CFAP44: variants seen among roughly 807,000 people sequenced by gnomAD.
The protein encoded by CFAP44 is cilia and flagella associated protein 44.
In CFAP44, 134 loss-of-function variants were observed where a neutral mutation model predicts 216.2. The observed-to-expected ratio is 0.62, with a 90% CI of 0.54 to 0.72. The LOEUF is 0.72. Among genes scored for constraint, CFAP44 ranks in the 30% least tolerant of loss-of-function variants. The probability of loss-of-function intolerance (pLI) is 0.00; values close to 1 mark genes in which losing one functional copy is unlikely to be tolerated. For synonymous variants in CFAP44, 700 were observed against 727.6 expected, an observed-to-expected ratio of 0.96 and a Z score of 0.61; for missense variants, 2,035 against 2,182.1, an observed-to-expected ratio of 0.93 and a Z score of 1.34.
chr3:113,325,903 A>G (rs994918664), intron 28 of CFAP44, among the ~76,000 whole-genome samples: 2 of 152,210 alleles, frequency 1.3e-5, no homozygotes, highest in African/African-American at 4.8e-5. Context: ...CATCCACACA[A>G]AGATGCCCAA....
intron 22 of CFAP44, among the ~76,000 whole-genome samples, chr3:113,345,532 T>C (rs992749433): frequency 2.0e-5 from 3 of 152,316 alleles, no homozygotes; most frequent in Non-Finnish European, 4.4e-5. Flanking sequence ...CAATTTTCCA[T>C]GTTTAATGAC....
chr3:113,342,113 A>C (rs1426932471), intron 23 of CFAP44, among the ~76,000 whole-genome samples, 195 bp from the exon 24 acceptor site: 1 of 152,224 alleles, frequency 6.6e-6, no homozygotes, highest in African/African-American at 2.4e-5. Flanking sequence ...CGGGTGGATC[A>C]CTTGAGGTCA....
chr3:113,407,225 T>A (rs1934312126), intron 7 of CFAP44, among the ~76,000 whole-genome samples, 184 bp from the exon 8 acceptor site: 1 of 152,250 alleles, frequency 6.6e-6, no homozygotes, highest in Non-Finnish European at 1.5e-5. Context: ...ATGTGAATTC[T>A]GCAATGATCA....
intron 8 of CFAP44, 114 bp from the exon 9 acceptor site, chr3:113,404,130 T>C: frequency 8.1e-7 from 1 of 1,241,230 alleles, no homozygotes. Flanking sequence ...GATTATAAAA[T>C]TTTTAAATGG....
chr3:113,309,636 C>G (rs1229593842), intron 28 of CFAP44, among the ~76,000 whole-genome samples: 2 of 152,028 alleles, frequency 1.3e-5, no homozygotes, highest in African/African-American at 4.8e-5. Flanking sequence ...TTCAAAACAC[C>G]CTGAGGTCAT....
intron 22 of CFAP44, among the ~76,000 whole-genome samples, chr3:113,349,633 C>A (rs185716015): frequency 6.6e-6 from 1 of 152,338 alleles, no homozygotes; most frequent in Non-Finnish European, 1.5e-5. Flanking sequence ...GGAAGGTGCA[C>A]TGCCGCAGAG....
In CFAP44 at chr3:113,303,956, C is replaced by G. The variant is rs765350972; in HGVS notation, c.5037G>C (p.Gln1679His). 6.5e-7 allele frequency: 1 copy of G among 1,537,728 alleles called. No individual in the cohort carries two copies. Among genetic ancestry groups the G allele is most frequent in the South Asian group, 1.2e-5 (1 of 84,046 alleles). The change falls in exon 32 of 35, where the codon CAG becomes CAC. Residue 1679 changes from glutamine (Q) to histidine (H), a missense_variant. By Grantham distance (24) the Gln-to-His change is conservative. This residue lies in a region of CFAP44 where 1,883 missense variants were observed against 2,023.7 expected (regional missense o/e 0.93). Coordinates refer to ENST00000393845, the MANE Select transcript of CFAP44 (RefSeq NM_001164496.2). ...LNKEWRERRK[Q>H]LIREKREMTK... is the part of the protein sequence containing the mutation. The stretch of plus-strand genomic sequence containing the variant: ...TCATTTCTCTCTTTTCTCGGATGAG[C>G]TGTTTACGTCTCTCTCTCCATTCTT...
chr3:113,328,724 A>AAAAAC (rs1559913016), intron 26 of CFAP44, among the ~76,000 whole-genome samples: 1 of 139,826 alleles, frequency 7.2e-6, no homozygotes, highest in Non-Finnish European at 1.5e-5. Context: ...AAAAAAAAAA[A>AAAAAC]AAAACAGAGA....
intron 15 of CFAP44, among the ~76,000 whole-genome samples, chr3:113,395,418 C>T (rs1003318553): frequency 2.6e-5 from 4 of 152,102 alleles, no homozygotes; most frequent in African/African-American, 9.7e-5. Flanking sequence ...ACTGACTGAT[C>T]CAGGTGAAAG....
At chr3:113,326,318 C>T in intron 28 of CFAP44, 127 bp downstream of exon 28, 1 of 808,142 alleles carries the variant, frequency 1.2e-6, no homozygotes, top group Non-Finnish European at 1.8e-6. Context: ...CTCTTTAGCC[C>T]CCACAGTGTC....
chr3:113,425,993 G>A (rs1934949293), intron 4 of CFAP44, 131 bp downstream of exon 4: 2 of 1,019,504 alleles, frequency 2.0e-6, no homozygotes, highest in South Asian at 3.3e-5. Flanking sequence ...GGATGTGGCT[G>A]TGTTGCAATA....
chr3:113,368,628 G>A (rs1426180710), intron 18 of CFAP44, among the ~76,000 whole-genome samples: 1 of 152,190 alleles, frequency 6.6e-6, no homozygotes, highest in Admixed American at 6.5e-5. Flanking sequence ...ACCAGCCACT[G>A]CAAAAACATT....
At chr3:113,342,654 T>TA (rs1001693193) in intron 23 of CFAP44, among the ~76,000 whole-genome samples, 1 of 151,996 alleles carries the variant, frequency 6.6e-6, no homozygotes, top group Non-Finnish European at 1.5e-5. Flanking sequence ...TGAAGCCAAC[T>TA]AAAAAACTCA....
At chr3:113,302,456 G>GAAAAAAAAAAAAAAA (rs1949944461) in intron 32 of CFAP44, among the ~76,000 whole-genome samples, 1 of 60,360 alleles carries the variant, frequency 1.7e-5, no homozygotes, top group Non-Finnish European at 3.1e-5. Flanking sequence ...ACTAGACAAA[G>GAAAAAAAAAAAAAAA]TAAAAAAAAA....
intron 4 of CFAP44, among the ~76,000 whole-genome samples, chr3:113,420,460 C>T (rs1934784691): frequency 6.6e-6 from 1 of 152,064 alleles, no homozygotes; most frequent in African/African-American, 2.4e-5. Flanking sequence ...TTTAATTTTC[C>T]TGGGGAAATC....
chr3:113,339,076 G>C (rs1027361398), intron 24 of CFAP44, among the ~76,000 whole-genome samples: 4 of 152,156 alleles, frequency 2.6e-5, no homozygotes, highest in Admixed American at 6.5e-5. Context: ...CACATATGGG[G>C]CTTCAGACCA....
At chr3:113,362,947 C>G (rs1288243409) in intron 21 of CFAP44, 198 bp downstream of exon 21, 3 of 1,299,006 alleles carry the variant, frequency 2.3e-6, no homozygotes, top group Non-Finnish European at 2.9e-6. Flanking sequence ...TTTGTGTCAA[C>G]AAGAATCTTA....
chr3:113,378,784 T>C (rs1201750344), intron 17 of CFAP44, among the ~76,000 whole-genome samples: 1 of 152,172 alleles, frequency 6.6e-6, no homozygotes, highest in Non-Finnish European at 1.5e-5. Flanking sequence ...ATGAGCCAAG[T>C]TCTGATTTTG....
chr3:113,400,060 C>A, intron 12 of CFAP44, 60 bp from the exon 13 acceptor site: 1 of 1,156,610 alleles, frequency 8.6e-7, no homozygotes, highest in Non-Finnish European at 1.2e-6. Context: ...TAAGTCTTGG[C>A]TCACTTTTTA....
Sources: allele counts gnomAD v4.1 joint callset (sites outside exome capture counted in the v4.1 genomes callset), GRCh38; gene constraint gnomAD v4.1.1; regional missense constraint gnomAD v4.1.1; transcripts MANE v1.5; gene names NCBI Gene and HGNC (gene_info 2026-07-23, HGNC 2026-07-21).